Variants in ABI1 observed in about 807,000 individuals in gnomAD.
ABI1 encodes abl interactor 1.
A neutral mutation model predicts 54.6 loss-of-function variants in ABI1; 14 were observed. The observed-to-expected ratio is 0.26, with a 90% CI of 0.17 to 0.40. ABI1 has a LOEUF of 0.40. ABI1 is among the 10% of genes least tolerant of loss of function. The pLI is 1.00. For missense variants in ABI1, 443 were observed against 598.3 expected (o/e 0.74, Z 2.71); for synonymous variants, 194 against 209.3 (o/e 0.93, Z 0.63).
intron 2 of ABI1, among the ~76,000 whole-genome samples, chr10:26,791,905 T>C (rs1029981605): frequency 6.6e-5 from 10 of 152,164 alleles, no homozygotes; most frequent in African/African-American, 2.4e-4. Flanking sequence ...TATTATACAC[T>C]ATATAATGAG....
At chr10:26,748,787 T>A in intron 10 of ABI1, 42 bp from the exon 11 acceptor site, 1 of 1,419,004 alleles carries the variant, frequency 7.0e-7, no homozygotes, top group Non-Finnish European at 9.7e-7. Flanking sequence ...GTGCACTATA[T>A]CCAAAATTTA....
intron 10 of ABI1, among the ~76,000 whole-genome samples, chr10:26,749,070 G>A (rs891935311): frequency 6.6e-6 from 1 of 152,172 alleles, no homozygotes; most frequent in African/African-American, 2.4e-5. Context: ...GCAAAGCACC[G>A]GCTTTTCAAA....
chr10:26,809,384 C>G (rs1450260392), intron 2 of ABI1, among the ~76,000 whole-genome samples: 1 of 151,358 alleles, frequency 6.6e-6, no homozygotes, highest in Non-Finnish European at 1.5e-5. Context: ...ATAGTGAGAC[C>G]CCATCTCTAC....
chr10:26,832,965 A>G (rs1262441974), intron 1 of ABI1, among the ~76,000 whole-genome samples: 1 of 152,256 alleles, frequency 6.6e-6, no homozygotes, highest in African/African-American at 2.4e-5. Context: ...CGCCTATTCC[A>G]ATAAAAGTGA....
intron 3 of ABI1, among the ~76,000 whole-genome samples, chr10:26,772,202 A>T (rs1024244874): frequency 2.0e-5 from 3 of 152,100 alleles, no homozygotes; most frequent in African/African-American, 7.2e-5. Flanking sequence ...AACATCTGGT[A>T]CCCTACCTAA....
intron 1 of ABI1, among the ~76,000 whole-genome samples, chr10:26,829,119 G>C (rs573434406): frequency 2.0e-5 from 3 of 151,964 alleles, no homozygotes; most frequent in South Asian, 2.1e-4. Context: ...CCAGCTACTC[G>C]GGAGGCTGAG....
At chr10:26,760,091 A>T (rs1488271721) in intron 7 of ABI1, among the ~76,000 whole-genome samples, 1 of 151,998 alleles carries the variant, frequency 6.6e-6, no homozygotes, top group Non-Finnish European at 1.5e-5. Flanking sequence ...TTAAAAAAAA[A>T]AAAAAAATTA....
In ABI1 at chr10:26,813,449, G is replaced by T. The variant is rs966501041; in HGVS notation, c.285+9689C>A. Among the ~76,000 whole-genome samples, 14 of 152,154 alleles carry T rather than the reference G, an allele frequency of 9.2e-5. 1 individual carries two copies. The highest frequency in any genetic ancestry group is 7.9e-4 in the Admixed American group (12 of 15,272). On this transcript the variant is annotated intron_variant, in intron 2 of 10. Coordinates refer to ENST00000376140, the MANE Select transcript of ABI1 (RefSeq NM_001012750.3). ...AGAGCCAAAAGAAACTACAGGTGGG[G>T]ATGTATTATCAAATTGGGTGATTCT...
chr10:26,767,372 A>G (rs1338327126), intron 6 of ABI1, among the ~76,000 whole-genome samples: 2 of 152,214 alleles, frequency 1.3e-5, no homozygotes, highest in South Asian at 4.1e-4. Flanking sequence ...AATCATTTTG[A>G]TAAGTTATCT....
intron 4 of ABI1, 180 bp from the exon 5 acceptor site, chr10:26,770,525 T>A (rs766886610): frequency 2.7e-6 from 2 of 751,772 alleles, no homozygotes; most frequent in Non-Finnish European, 4.9e-6. Flanking sequence ...GGTCTTCCTA[T>A]TATTTTATGC....
intron 1 of ABI1, among the ~76,000 whole-genome samples, chr10:26,845,630 C>T (rs957108566): frequency 1.4e-4 from 21 of 152,000 alleles, no homozygotes; most frequent in African/African-American, 5.1e-4. Context: ...ACAACAAGAG[C>T]GAAACTCTGT....
chr10:26,798,502 T>C (rs544556572), intron 2 of ABI1, among the ~76,000 whole-genome samples: 2 of 152,096 alleles, frequency 1.3e-5, no homozygotes, highest in African/African-American at 4.8e-5. Flanking sequence ...GAACAGATGC[T>C]CCCCTAGTGC....
intron 7 of ABI1, among the ~76,000 whole-genome samples, chr10:26,763,338 T>C (rs1019472119): frequency 6.6e-6 from 1 of 152,196 alleles, no homozygotes; most frequent in African/African-American, 2.4e-5. Flanking sequence ...ATATGCTCAG[T>C]TCAGTCATCC....
chr10:26,751,126 C>T (rs1484093882), intron 10 of ABI1, among the ~76,000 whole-genome samples: 1 of 152,092 alleles, frequency 6.6e-6, no homozygotes, highest in Non-Finnish European at 1.5e-5. Flanking sequence ...CCAGACAAAG[C>T]TCCATCATAA....
chr10:26,860,740 G>T lies in ABI1; in HGVS notation c.117+7C>A. The stretch of plus-strand genomic sequence containing the variant: ...GCCAGCGCCCGCCGGCCGCCAGAGC[G>T]CCTCACCTGTATGTAGTTGTTTTCA... On this transcript the variant is annotated splice_region_variant and intron_variant, in intron 1 of 10. Coordinates refer to ENST00000376140, the MANE Select transcript of ABI1 (RefSeq NM_001012750.3). The surrounding 1 kb of genome is among the most constrained non-coding windows in gnomAD (Gnocchi z 4.1). The T allele has an allele frequency of 6.2e-7, 1 of 1,610,570 alleles. No homozygotes were observed. The highest frequency in any genetic ancestry group is 1.3e-5 in the African/African-American group (1 of 74,952).
chr10:26,832,456 C>A (rs776258294), intron 1 of ABI1, among the ~76,000 whole-genome samples: 2 of 151,828 alleles, frequency 1.3e-5, no homozygotes, highest in Non-Finnish European at 2.9e-5. Flanking sequence ...TGGTGGCGGG[C>A]GCCTGTAGTC....
chr10:26,784,063 G>C (rs185401048), intron 2 of ABI1, among the ~76,000 whole-genome samples: 7 of 152,168 alleles, frequency 4.6e-5, no homozygotes. Context: ...TAGATGCGGG[G>C]AAGTAAGGAA....
At chr10:26,784,493 G>C (rs1842492907) in intron 2 of ABI1, among the ~76,000 whole-genome samples, 1 of 147,380 alleles carries the variant, frequency 6.8e-6, no homozygotes, top group Admixed American at 6.8e-5. Context: ...CCACATTGGA[G>C]AAACTGTCAG....
rs1262602133 is a variant in ABI1 at position 26,795,324 on chromosome 10, A to G, written c.286-18083T>C. On this transcript the variant is annotated intron_variant, in intron 2 of 10. Coordinates refer to ENST00000376140, the MANE Select transcript of ABI1 (RefSeq NM_001012750.3). ...CAATATTGGAAGGGAGAAGAAATGA[A>G]CTATTTCCTTTAAAATATGTTGACT... Among the ~76,000 whole-genome samples, 3 of 152,156 alleles carry G rather than the reference A, an allele frequency of 2.0e-5. No homozygotes were observed. The East Asian group carries it at 5.8e-4, about 29-fold the overall frequency.
Sources: gnomAD v4.1 joint callset for allele counts (sites outside exome capture counted in the v4.1 genomes callset) on GRCh38, gnomAD v4.1.1 for gene constraint, Gnocchi (gnomAD v3.1) non-coding constraint, MANE v1.5 for transcripts, NCBI Gene and HGNC (gene_info 2026-07-23, HGNC 2026-07-21) for gene names.